Variants in ABCE1 observed in about 807,000 individuals in gnomAD.
ABCE1 encodes ATP-binding cassette sub-family E member 1.
Under a neutral mutation model 83.4 loss-of-function variants are expected in ABCE1, and 22 were observed. The observed-to-expected ratio is 0.26, with a 90% CI of 0.19 to 0.38. The LOEUF (loss-of-function observed/expected upper bound fraction) is 0.38. Among genes scored for constraint, ABCE1 ranks in the 10% least tolerant of loss-of-function variants. The pLI is 1.00. For synonymous variants in ABCE1, 204 were observed against 233.7 expected (o/e 0.87, Z 1.16); for missense variants, 330 against 721.9 (o/e 0.46, Z 6.22).
chr4:145,115,499 T>G (rs902735172), intron 9 of ABCE1, among the ~76,000 whole-genome samples: 2 of 151,962 alleles, frequency 1.3e-5, no homozygotes, highest in Admixed American at 1.3e-4. Context: ...TTTTCCCTTT[T>G]CATCTTAGAC....
At chr4:145,114,423 C>CTA (rs1465837111) in intron 9 of ABCE1, among the ~76,000 whole-genome samples, 10 of 151,958 alleles carry the variant, frequency 6.6e-5, no homozygotes, top group South Asian at 2.1e-4. Flanking sequence ...TAGATAATAT[C>CTA]TACGTTCATA....
At chr4:145,120,217 GTT>G in intron 11 of ABCE1, 64 bp downstream of exon 11, 1 of 1,414,498 alleles carries the variant, frequency 7.1e-7, no homozygotes, top group Non-Finnish European at 9.7e-7. Flanking sequence ...AGTTTTAACT[GTT>G]TTGTGGAAAA....
intron 9 of ABCE1, among the ~76,000 whole-genome samples, chr4:145,114,032 G>A (rs1749549446): frequency 6.6e-6 from 1 of 152,140 alleles, no homozygotes; most frequent in Non-Finnish European, 1.5e-5. Flanking sequence ...GAAAAATTCA[G>A]CTCCTTAGAT....
chr4:145,123,177 G>C, intron 14 of ABCE1, 38 bp from the exon 15 acceptor site: 1 of 1,585,586 alleles, frequency 6.3e-7, no homozygotes, highest in Non-Finnish European at 8.5e-7. Context: ...TTTGAATTTT[G>C]GATGCCTTTA....
intron 10 of ABCE1, 148 bp from the exon 11 acceptor site, chr4:145,119,784 G>GT (rs1749696078): frequency 3.4e-6 from 2 of 592,882 alleles, no homozygotes; most frequent in East Asian, 6.4e-5. Context: ...AATATATATA[G>GT]TTTTTTAAGT....
At chr4:145,101,757 G>A (rs1341099675) in intron 1 of ABCE1, among the ~76,000 whole-genome samples, 1 of 152,176 alleles carries the variant, frequency 6.6e-6, no homozygotes, top group South Asian at 2.1e-4. Context: ...TGGAAGACTG[G>A]AGTTGCCATC....
At chr4:145,122,932 T>C (rs1185469375) in intron 13 of ABCE1, 89 bp from the exon 14 acceptor site, 2 of 898,544 alleles carry the variant, frequency 2.2e-6, no homozygotes, top group Non-Finnish European at 3.3e-6. Flanking sequence ...TATACTTTTA[T>C]TCTGAAGCTT....
At chr4:145,116,213 A>G (rs1232521557) in intron 9 of ABCE1, among the ~76,000 whole-genome samples, 1 of 151,916 alleles carries the variant, frequency 6.6e-6, no homozygotes, top group Non-Finnish European at 1.5e-5. Flanking sequence ...GAGCTAATAG[A>G]AAGATAGTAA....
At chr4:145,104,336 A>G (rs1749240007) in intron 1 of ABCE1, 50 bp from the exon 2 acceptor site, 3 of 803,320 alleles carry the variant, frequency 3.7e-6, no homozygotes, top group East Asian at 3.0e-5. Context: ...ATGTATGCAA[A>G]TTAGTTCCCT....
chr4:145,110,885 A>G (rs764783866), intron 7 of ABCE1, 83 bp from the exon 8 acceptor site: 140 of 868,016 alleles, frequency 1.6e-4, no homozygotes, highest in Non-Finnish European at 2.2e-4. Flanking sequence ...ATAGCATTCA[A>G]ACTTCAAATG....
chr4:145,122,860 G>GA (rs1390561545), intron 13 of ABCE1, 161 bp from the exon 14 acceptor site: 4 of 544,788 alleles, frequency 7.3e-6, no homozygotes, highest in South Asian at 7.6e-5. Context: ...GTTTTGAATA[G>GA]AAAATCTCAA....
intron 9 of ABCE1, among the ~76,000 whole-genome samples, chr4:145,114,854 T>C (rs1435919581): frequency 1.3e-5 from 2 of 152,088 alleles, no homozygotes; most frequent in African/African-American, 4.8e-5. Context: ...AAGATCTCTA[T>C]GTAGTGATAG....
intron 4 of ABCE1, 143 bp downstream of exon 4, chr4:145,108,255 C>G: frequency 6.8e-6 from 5 of 739,168 alleles, no homozygotes; most frequent in Non-Finnish European, 1.1e-5. Flanking sequence ...CATGCAGAAT[C>G]ATACTGCATA....
chr4:145,103,941 T>G (rs1749225052), intron 1 of ABCE1, among the ~76,000 whole-genome samples: 1 of 151,968 alleles, frequency 6.6e-6, no homozygotes, highest in Admixed American at 6.6e-5. Flanking sequence ...CTTTTGTTTG[T>G]TTTTTCTCAT....
Position 145,123,466 on chromosome 4 carries a change from A to G in ABCE1, c.1518-12A>G. On this transcript the variant is annotated splice_polypyrimidine_tract_variant and intron_variant, in intron 15 of 17. Coordinates refer to ENST00000296577, the MANE Select transcript of ABCE1 (RefSeq NM_002940.3). ...TAGAAAGCTATAAGATTTCAAAATC[A>G]TTGTGTTTTAGTTTCATACTCCATG... The G allele has an allele frequency of 6.3e-7, 1 of 1,593,800 alleles. No individual in the cohort carries two copies. Among genetic ancestry groups the G allele is most frequent in the Non-Finnish European group, 8.6e-7 (1 of 1,163,534 alleles).
rs1192146869 is a variant in ABCE1 at position 145,104,535 on chromosome 4, A to AT, written c.103+23dup. 2.0e-6 allele frequency: 3 copies of AT among 1,474,254 alleles called. No homozygotes were observed. Among genetic ancestry groups the AT allele is most frequent in the Admixed American group, 2.0e-5 (1 of 49,436 alleles). The allele number at this position is 1,474,254 out of a possible 1,614,324, so 91.3% of individuals were successfully genotyped here. On this transcript the variant is annotated intron_variant, in intron 2 of 17. Coordinates refer to ENST00000296577, the MANE Select transcript of ABCE1 (RefSeq NM_002940.3). Reference sequence around the variant, plus strand: ...GAATGGGTAAGCTGTTCTGTGGATCATTTAAGTATAAAAGAAAACCATGAA... The same window carrying AT: ...GAATGGGTAAGCTGTTCTGTGGATCATTTTAAGTATAAAAGAAAACCATGAA...
At chr4:145,108,807 A>G (rs1440661443) in intron 4 of ABCE1, among the ~76,000 whole-genome samples, 4 of 152,224 alleles carry the variant, frequency 2.6e-5, no homozygotes, top group Non-Finnish European at 5.9e-5. Flanking sequence ...ATTTTGTTAT[A>G]CATTAAAACT....
In ABCE1 at chr4:145,127,680, C is replaced by A; in HGVS notation, c.*107C>A. The A allele has an allele frequency of 1.2e-6, 1 of 822,948 alleles. No individual in the cohort carries two copies. The highest frequency in any genetic ancestry group is 1.8e-6 in the Non-Finnish European group (1 of 547,528). 51.0% of individuals were successfully genotyped at this position (822,948 alleles called of 1,614,324 possible). A position where few individuals can be genotyped will look rare whatever the true frequency, so the allele number is the denominator to read the frequency against. On this transcript the variant is annotated 3_prime_UTR_variant, in exon 18 of 18. Coordinates refer to ENST00000296577, the MANE Select transcript of ABCE1 (RefSeq NM_002940.3). ...ATTTTATGCCCCACATACTCTGGAA[C>A]TTGAAGTATAATATACTTAATATAA...
intron 7 of ABCE1, 47 bp downstream of exon 7, chr4:145,110,491 T>C: frequency 6.4e-7 from 1 of 1,573,228 alleles, no homozygotes; most frequent in South Asian, 1.1e-5. Flanking sequence ...TATTTATTTT[T>C]TGAGACGGAG....
Sources: gnomAD v4.1 joint callset for allele counts (sites outside exome capture counted in the v4.1 genomes callset) on GRCh38, gnomAD v4.1.1 for gene constraint, MANE v1.5 for transcripts, NCBI Gene and HGNC (gene_info 2026-07-23, HGNC 2026-07-21) for gene names.